Variants in DNAH2 observed in about 807,000 individuals in gnomAD.
DNAH2 encodes the protein axonemal beta dynein heavy chain 2.
Under a neutral mutation model 523.5 loss-of-function variants are expected in DNAH2, and 323 were observed. That is an observed-to-expected ratio of 0.62 (90% CI 0.56 to 0.68). The LOEUF (loss-of-function observed/expected upper bound fraction) is 0.68. Among genes scored for constraint, DNAH2 ranks in the 30% least tolerant of loss-of-function variants. The pLI is 0.00. For missense variants in DNAH2, 4,907 were observed against 5,701.5 expected (o/e 0.86, Z 4.49); for synonymous variants, 2,093 against 2,177.4 (o/e 0.96, Z 1.08).
chr17:7,750,725 A>G (rs2075659188), intron 12 of DNAH2, among the ~76,000 whole-genome samples: 2 of 152,192 alleles, frequency 1.3e-5, no homozygotes, highest in African/African-American at 4.8e-5. Context: ...ATATTTTAGC[A>G]GTTTTAAAAA....
Position 7,781,090 on chromosome 17 carries a change from G to A in DNAH2, c.6052G>A (p.Val2018Ile), listed in dbSNP as rs2076593382. The change falls in exon 39 of 86, where the codon GTT becomes ATT. Residue 2018 changes from valine (V) to isoleucine (I), a missense_variant. Physicochemically the swap from Val to Ile is conservative, Grantham distance 29. Transcript: ENST00000572933. ...RDMNIAKLTS[V>I]DAPLFNAIVQ... ...TATGAACATCGCCAAGCTCACTTCA[G>A]TTGATGCACCCCTGTTCAATGCCAT... 1.2e-6 allele frequency: 2 copies of A among 1,614,108 alleles called. No individual in the cohort carries two copies. Among genetic ancestry groups the A allele is most frequent in the African/African-American group, 1.3e-5 (1 of 74,940 alleles).
At chr17:7,795,400 C>T (rs757735038) in intron 49 of DNAH2, among the ~76,000 whole-genome samples, 5 of 151,838 alleles carry the variant, frequency 3.3e-5, no homozygotes, top group East Asian at 1.9e-4. Flanking sequence ...TGGCCAGGCA[C>T]GGTGGCTCCC....
In DNAH2 at chr17:7,741,621, G is replaced by A. The variant is rs1242234805; in HGVS notation, c.1689+629G>A. Among the ~76,000 whole-genome samples the A allele has an allele frequency of 2.0e-5, 3 of 148,860 alleles. No homozygotes were observed. In the East Asian group the frequency reaches 6.1e-4, roughly 30 times the overall value. On this transcript the variant is annotated intron_variant, in intron 11 of 85. Coordinates refer to ENST00000572933, the MANE Select transcript of DNAH2 (RefSeq NM_020877.5). ...GATCCACCCACCTGGGCCTCCCAAAGTGCTGGGATTACAGGCGTGAGCCAC... is the reference window on the plus strand; with the variant it reads ...GATCCACCCACCTGGGCCTCCCAAAATGCTGGGATTACAGGCGTGAGCCAC...
chr17:7,770,946 C>T lies in DNAH2; in HGVS notation c.4362+13C>T, dbSNP rs373894026. 4.4e-5 allele frequency: 71 copies of T among 1,610,100 alleles called. No homozygotes were observed. The African/African-American group carries it at 5.2e-4, about 12-fold the overall frequency. ...GATGTACTTAGAGGTCAGGACTCAG[C>T]GCCTGAGCTCTTCCTGCTTCCTGCT... is the stretch of plus-strand genomic sequence containing the variant. On this transcript the variant is annotated intron_variant, in intron 27 of 85. Transcript: ENST00000572933.
chr17:7,731,773 A>G (rs1052003714), intron 4 of DNAH2, among the ~76,000 whole-genome samples: 38 of 152,310 alleles, frequency 2.5e-4, no homozygotes, highest in South Asian at 1.2e-3. Flanking sequence ...TCACGCCTAT[A>G]ATCCTAGCAC....
At position 7,764,166 on chromosome 17, in the gene DNAH2, C is replaced by A; in HGVS notation, c.3229C>A (p.Leu1077Ile). Residue 1077 changes from leucine to isoleucine, a missense_variant, in exon 20 of 86, where the codon CTC (leucine) becomes ATC (isoleucine). Physicochemically the swap from Leu to Ile is conservative, Grantham distance 5 (BLOSUM62 2). Coordinates refer to ENST00000572933, the MANE Select transcript of DNAH2 (RefSeq NM_020877.5). ...GGAGGAACTGGGGGTCAGCTTGCAG[C>A]TCGTGGATGCCCTGAAGCACGACTT... ...TLEELGVSLQLVDALKHDLAN... is the reference protein window; with the variant it reads ...TLEELGVSLQIVDALKHDLAN... 5.0e-6 allele frequency: 8 copies of A among 1,614,244 alleles called. No homozygotes were observed. Among genetic ancestry groups the A allele is most frequent in the Non-Finnish European group, 6.8e-6 (8 of 1,180,044 alleles).
chr17:7,818,210 C>T lies in DNAH2; in HGVS notation c.10388-102C>T, dbSNP rs1168285294. 7 of 1,595,376 alleles carry T rather than the reference C, an allele frequency of 4.4e-6. No homozygotes were observed. The East Asian group carries it at 1.1e-4, about 25-fold the overall frequency. ...CCATTCAGACAGCCCTGGCCTGGGG[C>T]CTTAGGACAGGCTGAGTCGCTGCCC... On this transcript the variant is annotated intron_variant, in intron 68 of 85. Coordinates refer to ENST00000572933, the MANE Select transcript of DNAH2 (RefSeq NM_020877.5).
chr17:7,770,314 C>T lies in DNAH2; in HGVS notation c.4004C>T (p.Thr1335Ile). Residue 1335 changes from threonine (T) to isoleucine (I), a missense_variant, in exon 25 of 86, where the codon ACC becomes ATC. Physicochemically the swap from Thr to Ile is moderately conservative, Grantham distance 89 (BLOSUM62 -1). Transcript: ENST00000572933. ...TTTGATCAGGAATCTGAAAGCTTCA[C>T]CTTGGAGCAGATTGTGGAGCTTGGG... ...REFDQESESF[T>I]LEQIVELGMD... 1 of 1,613,944 alleles carries T rather than the reference C, an allele frequency of 6.2e-7. No homozygotes were observed. Among genetic ancestry groups the T allele is most frequent in the Non-Finnish European group, 8.5e-7 (1 of 1,179,954 alleles).
At position 7,823,539 on chromosome 17, in the gene DNAH2, T is replaced by G; in HGVS notation, c.11240T>G (p.Phe3747Cys). The change falls in exon 74 of 86, where the codon TTC becomes TGC. Residue 3747 changes from phenylalanine to cysteine, a missense_variant. Coordinates refer to ENST00000572933, the MANE Select transcript of DNAH2 (RefSeq NM_020877.5). ...ACAGAGCTAGACAAACTGACCAACT[T>G]CCACGGACTCATGAACTCCTTTGAG... ...NITELDKLTN[F>C]HGLMNSFEQY... is the part of the protein sequence containing the mutation. The G allele has an allele frequency of 6.2e-7, 1 of 1,614,102 alleles. No individual in the cohort carries two copies. The highest frequency in any genetic ancestry group is 8.5e-7 in the Non-Finnish European group (1 of 1,180,012).
Position 7,718,796 on chromosome 17 carries a change from C to T in DNAH2, c.-18C>T, listed in dbSNP as rs1281042710. 1 of 152,728 alleles carries T rather than the reference C, an allele frequency of 6.5e-6. No homozygotes were observed. Among genetic ancestry groups the T allele is most frequent in the African/African-American group, 2.4e-5 (1 of 41,430 alleles). The allele number at this position is 152,728 out of a possible 1,614,324, so 9.5% of individuals were successfully genotyped here. The stretch of plus-strand genomic sequence containing the variant: ...CCCTCAGGACTTCAAAGCGATAGAC[C>T]CAGGTGGCAAATACTGTTTTTCTCT... On this transcript the variant is annotated 5_prime_UTR_variant, in exon 1 of 86. Coordinates refer to ENST00000572933, the MANE Select transcript of DNAH2 (RefSeq NM_020877.5).
At chr17:7,763,556 G>A (rs568668100) in intron 18 of DNAH2, among the ~76,000 whole-genome samples, 6 of 152,346 alleles carry the variant, frequency 3.9e-5, no homozygotes, top group Non-Finnish European at 5.9e-5. Context: ...TGGGATTACA[G>A]GCGTGAGCCA....
rs2075946074 is a variant in DNAH2, at chr17:7,759,535, T to C, written c.2562T>C (p.Asp854=). The C allele has an allele frequency of 1.2e-6, 2 of 1,614,060 alleles. No homozygotes were observed. Among genetic ancestry groups the C allele is most frequent in the Non-Finnish European group, 1.7e-6 (2 of 1,180,046 alleles). The part of the protein sequence containing the change: ...LLELSKAING[D]GKTSPNPLFQ... Reference sequence around the variant, plus strand: ...AACTATCCAAGGCTATCAACGGGGATGGAAAGACCAGCCCAAACCCACTCT... The same window carrying C: ...AACTATCCAAGGCTATCAACGGGGACGGAAAGACCAGCCCAAACCCACTCT... The change falls in exon 16 of 86, where the codon GAT becomes GAC. Residue 854 remains aspartate, a synonymous_variant. Transcript: ENST00000572933.
chr17:7,803,582 A>C (rs991316063), intron 58 of DNAH2, among the ~76,000 whole-genome samples: 1 of 152,114 alleles, frequency 6.6e-6, no homozygotes, highest in Admixed American at 6.5e-5. Flanking sequence ...AGGCGGGAGA[A>C]TCATTTGAAC....
chr17:7,727,000 C>T (rs748337382), intron 3 of DNAH2, 122 bp from the exon 4 acceptor site: 14 of 1,094,964 alleles, frequency 1.3e-5, no homozygotes, highest in African/African-American at 1.6e-5. Flanking sequence ...TCAGTTTCTC[C>T]TAACCATTCT....
At position 7,798,419 on chromosome 17, in the gene DNAH2, C is replaced by T. The variant is rs1331055114; in HGVS notation, c.8398+95C>T. 13 of 1,530,642 alleles carry T rather than the reference C, an allele frequency of 8.5e-6. No homozygotes were observed. Among genetic ancestry groups the T allele is most frequent in the South Asian group, 3.7e-5 (3 of 80,274 alleles). The allele number at this position is 1,530,642 out of a possible 1,614,324, so 94.8% of individuals were successfully genotyped here. On this transcript the variant is annotated intron_variant, in intron 54 of 85. Transcript: ENST00000572933. This position sits in a 1 kb window ranked among gnomAD's most constrained non-coding sequence, Gnocchi z 5.5. ...GAGAGATGGCAGCCAGATGGGCAGACGTGTCTGGCCCGTGTTGGGTGTAGG... is the reference window on the plus strand; with the variant it reads ...GAGAGATGGCAGCCAGATGGGCAGATGTGTCTGGCCCGTGTTGGGTGTAGG...
At chr17:7,791,027 C>G (rs145391180) in intron 44 of DNAH2, among the ~76,000 whole-genome samples, 1 of 151,702 alleles carries the variant, frequency 6.6e-6, no homozygotes, top group African/African-American at 2.4e-5. Context: ...TAAAGGTACA[C>G]CTTTACCTAT....
chr17:7,743,176 T>G (rs1488395463), intron 12 of DNAH2, 34 bp downstream of exon 12: 2 of 1,605,186 alleles, frequency 1.2e-6, no homozygotes, highest in South Asian at 2.2e-5. Flanking sequence ...TTCCCTATAC[T>G]CCCCTTCTGC....
chr17:7,807,524 G>A lies in DNAH2; in HGVS notation c.9667G>A (p.Ala3223Thr). Reference protein sequence around the residue: ...VEPKRIRMNAALAQLREKQAA... With the variant: ...VEPKRIRMNATLAQLREKQAA... ...GCCCAAGCGAATCCGAATGAACGCT[G>A]CCTTGGCTCAGCTTCGGGAGAAGCA... Residue 3223 changes from alanine to threonine, a missense_variant, in exon 63 of 86, where the codon GCC (alanine) becomes ACC (threonine). Physicochemically the swap from Ala to Thr is moderately conservative, Grantham distance 58. Around this residue, in one of 3 missense-constraint regions of DNAH2, gnomAD observed 1,851 missense variants for 2,139.4 expected, o/e 0.87. Transcript: ENST00000572933. The surrounding 1 kb of genome is among the most constrained non-coding windows in gnomAD (Gnocchi z 5.6). The A allele has an allele frequency of 6.2e-7, 1 of 1,613,472 alleles. No homozygotes were observed. Among genetic ancestry groups the A allele is most frequent in the South Asian group, 1.1e-5 (1 of 91,086 alleles).
At chr17:7,729,248 G>GTAA in intron 4 of DNAH2, among the ~76,000 whole-genome samples, 1 of 151,946 alleles carries the variant, frequency 6.6e-6, no homozygotes, top group African/African-American at 2.4e-5. Context: ...TTGAGAGGGT[G>GTAA]TAATAAAATC....
Sources: gnomAD v4.1 joint callset for allele counts (sites outside exome capture counted in the v4.1 genomes callset) on GRCh38, gnomAD v4.1.1 for gene constraint, gnomAD v4.1.1 regional missense constraint, Gnocchi (gnomAD v3.1) non-coding constraint, MANE v1.5 for transcripts, NCBI Gene and HGNC (gene_info 2026-07-23, HGNC 2026-07-21) for gene names.